The following DNAH7 variants were observed in gnomAD, a reference collection of about 807,000 sequenced individuals.
The protein encoded by DNAH7 is axonemal beta dynein heavy chain 7.
In DNAH7, 397 loss-of-function variants were observed where a neutral mutation model predicts 444.6. The observed-to-expected ratio is 0.89, with a 90% CI of 0.82 to 0.97. The LOEUF is 0.97. Among genes scored for constraint, DNAH7 ranks in the 50% least tolerant of loss-of-function variants. The pLI, the probability that DNAH7 is intolerant of heterozygous loss-of-function variation, is 0.00. For missense variants in DNAH7, 4,902 were observed against 4,800.8 expected, an observed-to-expected ratio of 1.02 and a Z score of -0.62; for synonymous variants, 1,636 against 1,624.4, an observed-to-expected ratio of 1.01 and a Z score of -0.17.
At chr2:195,740,704 A>T (rs961383376) in intron 64 of DNAH7, 62 bp downstream of exon 64, 1 of 538,382 alleles carries the variant, frequency 1.9e-6, no homozygotes, top group Non-Finnish European at 2.7e-6. Flanking sequence ...TCTATTTTAT[A>T]TATAATATAT....
At chr2:195,844,760 C>T (rs996554656) in intron 47 of DNAH7, among the ~76,000 whole-genome samples, 2 of 152,004 alleles carry the variant, frequency 1.3e-5, no homozygotes, top group African/African-American at 4.8e-5. Context: ...GCTCTATTTG[C>T]TAAAAATTAA....
At chr2:195,858,921 T>C in intron 42 of DNAH7, 117 bp from the exon 43 acceptor site, 1 of 783,184 alleles carries the variant, frequency 1.3e-6, no homozygotes, top group Non-Finnish European at 2.0e-6. Flanking sequence ...CGGAGTGGTC[T>C]AAAAGATTTT....
chr2:196,028,788 T>G (rs1489916906), intron 5 of DNAH7, among the ~76,000 whole-genome samples: 2 of 152,162 alleles, frequency 1.3e-5, no homozygotes, highest in African/African-American at 2.4e-5. Flanking sequence ...GTCAGTGATG[T>G]TGTATAATTA....
intron 27 of DNAH7, among the ~76,000 whole-genome samples, chr2:195,905,940 A>G (rs1686988263): frequency 6.6e-6 from 1 of 152,168 alleles, no homozygotes; most frequent in African/African-American, 2.4e-5. Context: ...CGCCTTTAGT[A>G]AAAACTACTC....
At chr2:195,936,422 C>A (rs1037425513) in intron 20 of DNAH7, among the ~76,000 whole-genome samples, 177 bp downstream of exon 20, 2 of 152,002 alleles carry the variant, frequency 1.3e-5, no homozygotes, top group African/African-American at 4.8e-5. Context: ...ACGGTTCATT[C>A]AGTGATACTA....
chr2:195,831,354 A>C (rs1698061669), intron 48 of DNAH7, among the ~76,000 whole-genome samples: 1 of 152,218 alleles, frequency 6.6e-6, no homozygotes, highest in South Asian at 2.1e-4. Context: ...CTCTGGCTGA[A>C]GTAGAGGCAG....
Position 195,816,937 on chromosome 2 carries a change from A to C in DNAH7, c.9452T>G (p.Ile3151Ser). The change falls in exon 51 of 65, where the codon ATT becomes AGT. Residue 3151 changes from isoleucine (I) to serine (S), a missense_variant. Coordinates refer to ENST00000312428, the MANE Select transcript of DNAH7 (RefSeq NM_018897.3). The part of the protein sequence containing the change: ...KRQLKEIEDK[I>S]LEVLSSSEGN... Reference sequence around the variant, plus strand: ...TTCCGAAGATGAAAGAACTTCTAAAATCTTGTCTTCTATTTCTTTTAACTG... The same window carrying C: ...TTCCGAAGATGAAAGAACTTCTAAACTCTTGTCTTCTATTTCTTTTAACTG... 1 of 1,601,710 alleles carries C rather than the reference A, an allele frequency of 6.2e-7. No homozygotes were observed. Among genetic ancestry groups the C allele is most frequent in the Non-Finnish European group, 8.5e-7 (1 of 1,174,768 alleles).
chr2:195,859,142 T>A (rs1486631423), intron 42 of DNAH7, among the ~76,000 whole-genome samples: 1 of 152,220 alleles, frequency 6.6e-6, no homozygotes, highest in African/African-American at 2.4e-5. Flanking sequence ...AGTTGGTAAG[T>A]TGATCCCAGC....
At chr2:195,935,138 T>C (rs1688963157) in intron 20 of DNAH7, among the ~76,000 whole-genome samples, 1 of 152,180 alleles carries the variant, frequency 6.6e-6, no homozygotes, top group Non-Finnish European at 1.5e-5. Context: ...GATAAATACA[T>C]GAATCTGAAG....
chr2:196,023,626 C>T (rs1014504049), intron 8 of DNAH7, among the ~76,000 whole-genome samples: 1 of 152,178 alleles, frequency 6.6e-6, no homozygotes, highest in African/African-American at 2.4e-5. Flanking sequence ...CTGGTTTGAT[C>T]TTCTTCCAGA....
intron 46 of DNAH7, among the ~76,000 whole-genome samples, chr2:195,852,891 T>TACACAC (rs4014237): frequency 0.02 from 2,760 of 138,822 alleles, 68 homozygotes; most frequent in African/African-American, 0.07. Flanking sequence ...GCTGATGAAG[T>TACACAC]ACACACACAC....
In DNAH7 at chr2:195,799,368, A is replaced by C. The variant is rs767887783; in HGVS notation, c.10281T>G (p.Cys3427Trp). Reference sequence around the variant, plus strand: ...GAGAGAGCACGAAAATCAGTGGTGCACAGCAGTTACTGTCTCCAAATGCCT... The same window carrying C: ...GAGAGAGCACGAAAATCAGTGGTGCCCAGCAGTTACTGTCTCCAAATGCCT... ...LAKAFGDSNC[C>W]APLIFVLSPG... The change falls in exon 55 of 65, where the codon TGT becomes TGG. Residue 3427 changes from cysteine to tryptophan, a missense_variant. By Grantham distance (215) the Cys-to-Trp change is radical. Coordinates refer to ENST00000312428, the MANE Select transcript of DNAH7 (RefSeq NM_018897.3). The C allele has an allele frequency of 7.4e-6, 12 of 1,612,562 alleles. No individual in the cohort carries two copies. Among genetic ancestry groups the C allele is most frequent in the African/African-American group, 1.3e-5 (1 of 74,898 alleles).
Position 195,906,639 on chromosome 2 carries a change from TATA to T in DNAH7, c.4335+17_4335+19del, listed in dbSNP as rs1687042350. The T allele has an allele frequency of 1.9e-6, 3 of 1,603,496 alleles. No individual in the cohort carries two copies. Among genetic ancestry groups the T allele is most frequent in the Middle Eastern group, 1.7e-4 (1 of 5,978 alleles). On this transcript the variant is annotated intron_variant, in intron 27 of 64. Transcript: ENST00000312428. ...TAAATTATAGAGAAGAAATAGATTATATAATAACTCCTTCCATACCTTCAGGTT... is the reference window on the plus strand; with the variant it reads ...TAAATTATAGAGAAGAAATAGATTATATAACTCCTTCCATACCTTCAGGTT...
rs1261730627 is a variant in DNAH7, at chr2:195,894,983, C to T, written c.4889G>A (p.Cys1630Tyr). 6.2e-7 allele frequency: 1 copy of T among 1,602,396 alleles called. No individual in the cohort carries two copies. Among genetic ancestry groups the T allele is most frequent in the African/African-American group, 1.3e-5 (1 of 74,870 alleles). The change falls in exon 30 of 65, where the codon TGT becomes TAT. Residue 1630 changes from cysteine to tyrosine, a missense_variant. Transcript: ENST00000312428. The part of the protein sequence containing the change: ...RVLAGALNDI[C>Y]EKGLMEENKV... ...CATTAATAATATACTTGCCTTTTCA[C>T]ATATATCATTTAGTGCTCCAGCTAA...
At chr2:195,916,160 T>C (rs1055653993) in intron 24 of DNAH7, among the ~76,000 whole-genome samples, 7 of 152,288 alleles carry the variant, frequency 4.6e-5, no homozygotes, top group Admixed American at 1.3e-4. Flanking sequence ...CAGACTTAAA[T>C]GTAAAACTTA....
chr2:195,856,123 C>T, intron 44 of DNAH7, 132 bp from the exon 45 acceptor site: 2 of 798,694 alleles, frequency 2.5e-6, no homozygotes, highest in Non-Finnish European at 3.7e-6. Context: ...AAACCGATTT[C>T]CATATTTCCT....
At chr2:195,816,564 C>A (rs924911287) in intron 51 of DNAH7, 64 bp downstream of exon 51, 2 of 1,249,442 alleles carry the variant, frequency 1.6e-6, no homozygotes, top group Non-Finnish European at 2.2e-6. Flanking sequence ...CAATAGAGGT[C>A]ACAAATTACT....
In DNAH7 at chr2:195,923,602, T is replaced by G. The variant is rs770834969; in HGVS notation, c.3818A>C (p.Tyr1273Ser). The change falls in exon 23 of 65, where the codon TAC (tyrosine) becomes TCC (serine). Residue 1273 changes from tyrosine (Y) to serine (S), a missense_variant. By Grantham distance (144) the Tyr-to-Ser change is moderately radical. Coordinates refer to ENST00000312428, the MANE Select transcript of DNAH7 (RefSeq NM_018897.3). ...DFEWLSQLRYYWQENHLETKM... is the reference protein window; with the variant it reads ...DFEWLSQLRYSWQENHLETKM... ...TTCAGTGATACCACTTACTTGCCAG[T>G]AGTACCTAAGCTGACTTAACCATTC... 1 of 1,614,072 alleles carries G rather than the reference T, an allele frequency of 6.2e-7. No homozygotes were observed. Among genetic ancestry groups the G allele is most frequent in the Non-Finnish European group, 8.5e-7 (1 of 1,179,972 alleles).
chr2:195,828,609 T>C (rs1697903421), intron 48 of DNAH7, among the ~76,000 whole-genome samples: 1 of 103,440 alleles, frequency 9.7e-6, no homozygotes, highest in African/African-American at 4.2e-5. Context: ...TATATATATA[T>C]ATTTTTTTTT....
Sources: gnomAD v4.1 joint callset for allele counts (sites outside exome capture counted in the v4.1 genomes callset) on GRCh38, gnomAD v4.1.1 for gene constraint, MANE v1.5 for transcripts, NCBI Gene and HGNC (gene_info 2026-07-23, HGNC 2026-07-21) for gene names.